LUC7L2: variants seen among roughly 807,000 people sequenced by gnomAD.
The protein encoded by LUC7L2 is LUC7 like 2, pre-mRNA splicing factor, also known as putative RNA-binding protein Luc7-like 2.
LUC7L2 carries 25 observed loss-of-function variants against 52.8 expected under a neutral mutation model. The observed-to-expected ratio is 0.47, with a 90% CI of 0.34 to 0.66. The LOEUF is 0.66. LUC7L2 is among the 30% of genes least tolerant of loss of function. The pLI is 0.01. For missense variants in LUC7L2, 328 were observed against 497.8 expected (o/e 0.66, Z 3.25); for synonymous variants, 144 against 160.9 (o/e 0.89, Z 0.80).
At chr7:139,399,034 TGA>T (rs1480179695) in intron 3 of LUC7L2, among the ~76,000 whole-genome samples, 2 of 151,812 alleles carry the variant, frequency 1.3e-5, no homozygotes, top group Non-Finnish European at 2.9e-5. Flanking sequence ...AGTAATATAC[TGA>T]GTTTTTACAT....
chr7:139,355,115 T>A (rs2131163478), upstream of LUC7L2, among the ~76,000 whole-genome samples: 1 of 66,100 alleles, frequency 1.5e-5, no homozygotes, highest in East Asian at 3.2e-4. Flanking sequence ...CCTGCGTAGA[T>A]CTCCCAAAGT....
At chr7:139,393,302 TG>T (rs1794524774) in intron 2 of LUC7L2, among the ~76,000 whole-genome samples, 1 of 151,914 alleles carries the variant, frequency 6.6e-6, no homozygotes, top group South Asian at 2.1e-4. Context: ...GTGTGCCTGT[TG>T]GTCCCAGCTA....
chr7:139,364,976 A>G (rs1800080181), intron 1 of LUC7L2, among the ~76,000 whole-genome samples: 1 of 152,216 alleles, frequency 6.6e-6, no homozygotes. Flanking sequence ...ATACGCAGAC[A>G]TTTTTTAAAT....
chr7:139,388,345 T>C (rs560020248), intron 2 of LUC7L2, among the ~76,000 whole-genome samples: 1 of 152,246 alleles, frequency 6.6e-6, no homozygotes, highest in East Asian at 1.9e-4. Context: ...GATTTATCTT[T>C]ACTTTGGGAA....
intron 1 of LUC7L2, among the ~76,000 whole-genome samples, chr7:139,372,608 T>G (rs1800509469): frequency 6.6e-6 from 1 of 152,178 alleles, no homozygotes; most frequent in African/African-American, 2.4e-5. Context: ...ATTTGATACT[T>G]GGATCATGTT....
upstream of LUC7L2, among the ~76,000 whole-genome samples, chr7:139,358,179 G>T (rs1220642115): frequency 6.7e-6 from 1 of 150,102 alleles, no homozygotes; most frequent in Admixed American, 6.7e-5. Context: ...GCTAATTTTT[G>T]TATTTTTAGT....
intron 1 of LUC7L2, among the ~76,000 whole-genome samples, chr7:139,362,547 A>C (rs543020203): frequency 6.6e-6 from 1 of 151,226 alleles, no homozygotes; most frequent in South Asian, 2.1e-4. Flanking sequence ...TGGCACTAAG[A>C]GGTGGAAATG....
chr7:139,345,738 G>A, intron 1 of LUC7L2: 2 of 1,586,066 alleles, frequency 1.3e-6, no homozygotes, highest in Non-Finnish European at 1.7e-6. Flanking sequence ...TGCATTCATA[G>A]GAGAATTGAA....
chr7:139,372,716 G>A (rs1007469853), intron 1 of LUC7L2, among the ~76,000 whole-genome samples: 1 of 151,704 alleles, frequency 6.6e-6, no homozygotes, highest in Non-Finnish European at 1.5e-5. Context: ...GAGGTGGGAG[G>A]GTCATTTGAG....
At chr7:139,372,342 T>G (rs924594076) in intron 1 of LUC7L2, among the ~76,000 whole-genome samples, 1 of 152,252 alleles carries the variant, frequency 6.6e-6, no homozygotes, top group Non-Finnish European at 1.5e-5. Flanking sequence ...CTCCCAACTC[T>G]GCAATTCTAC....
intron 1 of LUC7L2, among the ~76,000 whole-genome samples, chr7:139,364,956 C>A (rs1800078567): frequency 6.6e-6 from 1 of 152,148 alleles, no homozygotes; most frequent in Non-Finnish European, 1.5e-5. Context: ...GGAGGCGGAG[C>A]CTTTAATGTA....
intron 6 of LUC7L2, among the ~76,000 whole-genome samples, chr7:139,408,931 TGAGG>T (rs1795234533): frequency 1.3e-5 from 2 of 151,434 alleles, no homozygotes; most frequent in African/African-American, 4.9e-5. Context: ...CCAGATCACT[TGAGG>T]CCAGGAGTTG....
chr7:139,406,281 A>G (rs1476975252), intron 5 of LUC7L2, among the ~76,000 whole-genome samples: 1 of 150,626 alleles, frequency 6.6e-6, no homozygotes, highest in Non-Finnish European at 1.5e-5. Context: ...TGAACACCCA[A>G]CCTCAGGTGA....
intron 1 of LUC7L2, among the ~76,000 whole-genome samples, chr7:139,347,240 T>C (rs1459254905): frequency 6.6e-6 from 1 of 152,228 alleles, no homozygotes; most frequent in Non-Finnish European, 1.5e-5. Context: ...TAAATGTTTT[T>C]GAATACATAA....
At chr7:139,415,932 G>A (rs1367179034) in intron 8 of LUC7L2, among the ~76,000 whole-genome samples, 1 of 151,164 alleles carries the variant, frequency 6.6e-6, no homozygotes, top group Non-Finnish European at 1.5e-5. Context: ...AACTGTATTT[G>A]TAAACTATCT....
At chr7:139,365,355 A>T (rs889217476) in intron 1 of LUC7L2, among the ~76,000 whole-genome samples, 1 of 152,144 alleles carries the variant, frequency 6.6e-6, no homozygotes, top group African/African-American at 2.4e-5. Flanking sequence ...AAGAAAAATC[A>T]TTTTGTCTAT....
chr7:139,366,261 A>G (rs1280291346), intron 1 of LUC7L2, among the ~76,000 whole-genome samples: 1 of 152,226 alleles, frequency 6.6e-6, no homozygotes, highest in African/African-American at 2.4e-5. Context: ...TTGACTCAAC[A>G]TGAAAGGAAT....
At chr7:139,375,511 A>G in intron 1 of LUC7L2, 1 of 985,572 alleles carries the variant, frequency 1.0e-6, no homozygotes, top group Non-Finnish European at 1.2e-6. Flanking sequence ...CCCAGCAGCA[A>G]AAGGGAGACA....
In LUC7L2 at chr7:139,409,620, G is replaced by T; in HGVS notation, c.745G>T (p.Glu249Ter). The T allele has an allele frequency of 9.0e-7, 1 of 1,111,222 alleles. No individual in the cohort carries two copies. The highest frequency in any genetic ancestry group is 1.2e-6 in the Non-Finnish European group (1 of 818,628). 68.8% of individuals were successfully genotyped at this position (1,111,222 alleles called of 1,614,324 possible). Reference sequence around the variant, plus strand: ...CCAGGAACGGCTGAAACGAAGAGAAGAGAGAGAGAGAGAAGAAAGGGAGAA... The same window carrying T: ...CCAGGAACGGCTGAAACGAAGAGAATAGAGAGAGAGAGAAGAAAGGGAGAA... ...RNQERLKRRE[E>*]REREEREKLR... The change falls in exon 7 of 10, where the codon GAG becomes TAG. Residue 249 changes from glutamate to a stop codon, truncating the protein, a stop_gained. Coordinates refer to ENST00000354926, the MANE Select transcript of LUC7L2 (RefSeq NM_016019.5). LOFTEE classifies it high-confidence loss of function.
Sources: gnomAD v4.1 joint callset for allele counts (sites outside exome capture counted in the v4.1 genomes callset) on GRCh38, gnomAD v4.1.1 for gene constraint, MANE v1.5 for transcripts, NCBI Gene and HGNC (gene_info 2026-07-23, HGNC 2026-07-21) for gene names.